The following ANKS1B variants were observed in gnomAD, a reference collection of about 807,000 sequenced individuals.
The protein encoded by ANKS1B is ankyrin repeat and sterile alpha motif domain containing 1B, also known as ankyrin repeat and sterile alpha motif domain-containing protein 1B.
Under a neutral mutation model 148.3 loss-of-function variants are expected in ANKS1B, and 36 were observed. The observed-to-expected ratio is 0.24, with a 90% CI of 0.19 to 0.32. ANKS1B has a LOEUF of 0.32. ANKS1B is among the 10% of genes least tolerant of loss of function. The pLI is 1.00. For synonymous variants in ANKS1B, 542 were observed against 560.8 expected (o/e 0.97, Z 0.47); for missense variants, 1,157 against 1,542.6 (o/e 0.75, Z 4.19).
intron 17 of ANKS1B, among the ~76,000 whole-genome samples, chr12:99,005,297 G>A (rs1331634995): frequency 3.3e-5 from 5 of 152,038 alleles, no homozygotes; most frequent in Admixed American, 6.5e-5. Context: ...GCTGTGGCCC[G>A]GTGTGACAGC....
chr12:99,067,878 A>ATGTGTGTGTG (rs10632657), intron 16 of ANKS1B, among the ~76,000 whole-genome samples: 6 of 149,408 alleles, frequency 4.0e-5, no homozygotes, highest in African/African-American at 1.5e-4. Context: ...GTGTGTGTGC[A>ATGTGTGTGTG]TGTGTGTGTG....
At chr12:99,680,907 T>A (rs2098610850) in intron 8 of ANKS1B, among the ~76,000 whole-genome samples, 1 of 152,022 alleles carries the variant, frequency 6.6e-6, no homozygotes, top group Non-Finnish European at 1.5e-5. Flanking sequence ...CTGTATAATG[T>A]ACGAGAGGCA....
At chr12:99,718,152 T>A (rs11834819) in intron 8 of ANKS1B, among the ~76,000 whole-genome samples, 1 of 150,982 alleles carries the variant, frequency 6.6e-6, no homozygotes, top group Non-Finnish European at 1.5e-5. Flanking sequence ...CGCCCGCCTC[T>A]GCTTCCCAAA....
At chr12:99,432,472 G>C (rs1426363201) in intron 11 of ANKS1B, among the ~76,000 whole-genome samples, 1 of 152,154 alleles carries the variant, frequency 6.6e-6, no homozygotes, top group Non-Finnish European at 1.5e-5. Context: ...AGGAAGGAGG[G>C]AGGAAAAGAG....
chr12:98,979,788 T>A (rs2099906449), intron 17 of ANKS1B, among the ~76,000 whole-genome samples: 1 of 152,184 alleles, frequency 6.6e-6, no homozygotes, highest in Non-Finnish European at 1.5e-5. Flanking sequence ...ATTTCTTGGA[T>A]CTGTGGGTTT....
intron 10 of ANKS1B, among the ~76,000 whole-genome samples, chr12:99,473,896 G>A (rs1457840815): frequency 2.0e-5 from 3 of 152,036 alleles, no homozygotes; most frequent in Admixed American, 6.6e-5. Context: ...GAGCTTTAAT[G>A]TAATCAATCC....
intron 17 of ANKS1B, among the ~76,000 whole-genome samples, chr12:99,013,395 T>G (rs2099940591): frequency 6.6e-6 from 1 of 151,400 alleles, no homozygotes; most frequent in Non-Finnish European, 1.5e-5. Flanking sequence ...ATTCCTTAAT[T>G]TATTAGTCTG....
At chr12:98,749,835 C>G (rs759259501) in intron 26 of ANKS1B, among the ~76,000 whole-genome samples, 2 of 151,918 alleles carry the variant, frequency 1.3e-5, no homozygotes, top group Non-Finnish European at 2.9e-5. Context: ...GCAGTGGCCC[C>G]GACTGGAAGA....
chr12:99,370,074 GAT>G (rs1398545023), intron 12 of ANKS1B, among the ~76,000 whole-genome samples: 5 of 140,134 alleles, frequency 3.6e-5, no homozygotes, highest in Admixed American at 3.5e-4. Context: ...GTGTGTAGGA[GAT>G]TAGTGGGGCA....
intron 17 of ANKS1B, among the ~76,000 whole-genome samples, chr12:98,837,619 T>C (rs2099382233): frequency 6.6e-6 from 1 of 152,178 alleles, no homozygotes; most frequent in Non-Finnish European, 1.5e-5. Flanking sequence ...ATCACGTCAC[T>C]GCTGTTTATG....
At chr12:99,770,174 A>G (rs1017030327) in intron 8 of ANKS1B, among the ~76,000 whole-genome samples, 5 of 152,250 alleles carry the variant, frequency 3.3e-5, no homozygotes, top group African/African-American at 1.2e-4. Context: ...AGGATTACTT[A>G]ATAAGCGACT....
chr12:99,502,879 T>C (rs1376700669), intron 10 of ANKS1B, among the ~76,000 whole-genome samples: 1 of 152,158 alleles, frequency 6.6e-6, no homozygotes, highest in African/African-American at 2.4e-5. Context: ...CAAAAATCCA[T>C]TTTTTTCACT....
At chr12:98,868,275 C>G (rs1487238934) in intron 17 of ANKS1B, among the ~76,000 whole-genome samples, 1 of 150,634 alleles carries the variant, frequency 6.6e-6, no homozygotes, top group Admixed American at 6.6e-5. Context: ...GCGCATGGAA[C>G]GGGAACACTG....
At chr12:99,549,224 T>C (rs2153158839) in intron 9 of ANKS1B, among the ~76,000 whole-genome samples, 1 of 152,268 alleles carries the variant, frequency 6.6e-6, no homozygotes, top group East Asian at 1.9e-4. Context: ...AACATACATA[T>C]TGATTACTGT....
chr12:99,374,650 C>T (rs533554746), intron 12 of ANKS1B, among the ~76,000 whole-genome samples: 2 of 152,208 alleles, frequency 1.3e-5, no homozygotes, highest in Admixed American at 6.5e-5. Context: ...GTTTTAGTAA[C>T]CAGAAATATG....
intron 15 of ANKS1B, among the ~76,000 whole-genome samples, chr12:99,128,738 T>TATTA: frequency 6.6e-6 from 1 of 152,096 alleles, no homozygotes; most frequent in African/African-American, 2.4e-5. Context: ...GTAGAAGTAA[T>TATTA]CCAATCCTGT....
chr12:99,824,272 C>T (rs914793167), intron 2 of ANKS1B, among the ~76,000 whole-genome samples: 5 of 151,706 alleles, frequency 3.3e-5, no homozygotes, highest in Middle Eastern at 3.2e-3. Context: ...GAGGCCAAGG[C>T]GGGCAGATCA....
At chr12:99,274,306 T>G (rs1435798727) in intron 12 of ANKS1B, among the ~76,000 whole-genome samples, 1 of 152,206 alleles carries the variant, frequency 6.6e-6, no homozygotes, top group Non-Finnish European at 1.5e-5. Context: ...TTGCCCCCTT[T>G]GTAATGAACA....
chr12:98,771,357 G>T (rs896480537), intron 25 of ANKS1B, among the ~76,000 whole-genome samples: 1 of 151,160 alleles, frequency 6.6e-6, no homozygotes, highest in Non-Finnish European at 1.5e-5. Context: ...TTTTTAATAG[G>T]GACAAAGTCT....
Sources: allele counts gnomAD v4.1 joint callset (sites outside exome capture counted in the v4.1 genomes callset), GRCh38; gene constraint gnomAD v4.1.1; transcripts MANE v1.5; gene names NCBI Gene and HGNC (gene_info 2026-07-23, HGNC 2026-07-21).